The following ZRANB3 variants were observed in gnomAD, a reference collection of about 807,000 sequenced individuals.
ZRANB3 encodes DNA annealing helicase and endonuclease ZRANB3.
In ZRANB3, 125 loss-of-function variants were observed where a neutral mutation model predicts 133.8. The ratio of observed to expected loss-of-function variants is 0.93; its 90% confidence interval spans 0.81 to 1.08. ZRANB3 has a LOEUF of 1.08. Ranked by LOEUF, ZRANB3 falls within the 50% of genes least tolerant of loss-of-function variation. The probability of loss-of-function intolerance (pLI) is 0.00; values close to 1 mark genes in which losing one functional copy is unlikely to be tolerated. For synonymous variants in ZRANB3, 387 were observed against 432.7 expected (o/e 0.89, Z 1.31); for missense variants, 1,229 against 1,275.5 (o/e 0.96, Z 0.56).
chr2:135,510,986 G>A, intron 1 of ZRANB3: 3 of 787,618 alleles, frequency 3.8e-6, no homozygotes, highest in Non-Finnish European at 7.1e-6. Context: ...CAGCCTCACA[G>A]ATCGGTCTGG....
intron 2 of ZRANB3, among the ~76,000 whole-genome samples, chr2:135,495,310 T>C (rs892808921): frequency 6.6e-6 from 1 of 152,218 alleles, no homozygotes; most frequent in African/African-American, 2.4e-5. Flanking sequence ...TATAAGAGAA[T>C]GTCTTTATTT....
chr2:135,350,167 G>A lies in ZRANB3; in HGVS notation c.408C>T (p.Thr136=), dbSNP rs768725103. ...CATCTATCAAAGTCTTTGCATCTGC[G>A]GTTAAGAGACCATAACCCAGAACTG... ...KVTVLGYGLL[T]ADAKTLIDAL... The change falls in exon 5 of 21, where the codon ACC becomes ACT. Residue 136 remains threonine (T), a synonymous_variant. Coordinates refer to ENST00000264159, the MANE Select transcript of ZRANB3 (RefSeq NM_032143.4). 28 of 1,609,560 alleles carry A rather than the reference G, an allele frequency of 1.7e-5. No homozygotes were observed. Among genetic ancestry groups the A allele is most frequent in the South Asian group, 2.2e-5 (2 of 90,502 alleles).
In ZRANB3 at chr2:135,199,283, C is replaced by G. The variant is rs910272775; in HGVS notation, c.*1059G>C. On this transcript the variant is annotated 3_prime_UTR_variant, in exon 21 of 21. Coordinates refer to ENST00000264159, the MANE Select transcript of ZRANB3 (RefSeq NM_032143.4). ...AGACAAAGTGTATTTTGATAGTACG[C>G]TTAGTTTTTTTTTTTGTTTGTTTGT... 1.3e-5 allele frequency: 2 copies of G among 148,784 alleles called. No homozygotes were observed. Among genetic ancestry groups the G allele is most frequent in the African/African-American group, 2.5e-5 (1 of 40,410 alleles). The allele number at this position is 148,784 out of a possible 1,614,324, so 9.2% of individuals were successfully genotyped here.
At chr2:135,222,597 A>G (rs1238777266) in intron 15 of ZRANB3, among the ~76,000 whole-genome samples, 2 of 152,120 alleles carry the variant, frequency 1.3e-5, no homozygotes, top group Non-Finnish European at 2.9e-5. Flanking sequence ...CAGTGGCTAC[A>G]TGAAATGCTA....
At chr2:135,308,476 C>T (rs1329562250) in intron 8 of ZRANB3, among the ~76,000 whole-genome samples, 1 of 152,194 alleles carries the variant, frequency 6.6e-6, no homozygotes, top group Non-Finnish European at 1.5e-5. Flanking sequence ...TCCCAGCTAG[C>T]ACCTGCTAGA....
chr2:135,275,623 A>G lies in ZRANB3; in HGVS notation c.1086+13T>C, dbSNP rs756803426. On this transcript the variant is annotated intron_variant, in intron 9 of 20. Transcript: ENST00000264159. ...CATTCTAAAAAGTATTTAGTTAAAA[A>G]ATGGCAACATACCTTATTTTCGATG... 4.5e-6 allele frequency: 7 copies of G among 1,563,884 alleles called. No individual in the cohort carries two copies. The highest frequency in any genetic ancestry group is 6.1e-6 in the Non-Finnish European group (7 of 1,153,742).
At chr2:135,364,007 C>G (rs1685813981) in intron 3 of ZRANB3, among the ~76,000 whole-genome samples, 1 of 151,700 alleles carries the variant, frequency 6.6e-6, no homozygotes, top group Admixed American at 6.6e-5. Context: ...GGCCAGGACA[C>G]TGCACTTCAG....
chr2:135,277,657 G>T (rs979464304), intron 8 of ZRANB3, among the ~76,000 whole-genome samples: 1 of 152,158 alleles, frequency 6.6e-6, no homozygotes, highest in Non-Finnish European at 1.5e-5. Context: ...AGGTGCGGGG[G>T]CTCACGCCTG....
rs544709427 is a variant in ZRANB3 at position 135,454,846 on chromosome 2, C to T, written c.161+49483G>A. Among the ~76,000 whole-genome samples the T allele has an allele frequency of 3.3e-4, 51 of 152,258 alleles. 1 individual carries two copies. In the South Asian group the frequency reaches 0.01, roughly 31 times the overall value. Reference sequence around the variant, plus strand: ...CTTTATCCACTCATTGGCTGATGGGCACTTATGATACTTCTGTATCTTTGT... The same window carrying T: ...CTTTATCCACTCATTGGCTGATGGGTACTTATGATACTTCTGTATCTTTGT... On this transcript the variant is annotated intron_variant, in intron 2 of 20. Coordinates refer to ENST00000264159, the MANE Select transcript of ZRANB3 (RefSeq NM_032143.4).
At chr2:135,397,420 C>G (rs1244976343) in intron 2 of ZRANB3, among the ~76,000 whole-genome samples, 1 of 150,506 alleles carries the variant, frequency 6.6e-6, no homozygotes, top group African/African-American at 2.4e-5. Flanking sequence ...TGCACTTCAG[C>G]CTGGGCAAGA....
At chr2:135,461,072 A>G (rs1419384326) in intron 2 of ZRANB3, among the ~76,000 whole-genome samples, 1 of 152,234 alleles carries the variant, frequency 6.6e-6, no homozygotes, top group Non-Finnish European at 1.5e-5. Context: ...ATAAAGTTCT[A>G]TTGGATAGCA....
At chr2:135,234,344 CAG>C (rs1695188453) in intron 12 of ZRANB3, among the ~76,000 whole-genome samples, 1 of 152,040 alleles carries the variant, frequency 6.6e-6, no homozygotes, top group Admixed American at 6.6e-5. Context: ...CAATAATAAT[CAG>C]AGACTTTAAC....
At chr2:135,230,476 C>G (rs745961806) in intron 13 of ZRANB3, 37 bp downstream of exon 13, 297 of 1,449,794 alleles carry the variant, frequency 2.0e-4, no homozygotes, top group Non-Finnish European at 2.7e-4. Context: ...ACACCACTAA[C>G]AGCCCTTACC....
At position 135,202,884 on chromosome 2, in the gene ZRANB3, C is replaced by T. The variant is rs779108761; in HGVS notation, c.3089G>A (p.Gly1030Glu). ...CTGCAGGTTGTCCAGGGAACACTGT[C>T]CTCCTCCCCCATACACTGGCTTGAT... is the stretch of plus-strand genomic sequence containing the variant. ...DHIKPVYGGG[G>E]QCSLDNLQTL... The change falls in exon 20 of 21, where the codon GGA (glycine) becomes GAA (glutamate). Residue 1030 changes from glycine (G) to glutamate (E), a missense_variant. Transcript: ENST00000264159. 1 of 1,611,576 alleles carries T rather than the reference C, an allele frequency of 6.2e-7. No homozygotes were observed. Among genetic ancestry groups the T allele is most frequent in the Non-Finnish European group, 8.5e-7 (1 of 1,178,884 alleles).
At chr2:135,410,978 C>T (rs1473324082) in intron 2 of ZRANB3, among the ~76,000 whole-genome samples, 1 of 152,192 alleles carries the variant, frequency 6.6e-6, no homozygotes. Flanking sequence ...GTGGCTCATG[C>T]CTGTAATCCC....
intron 1 of ZRANB3, among the ~76,000 whole-genome samples, chr2:135,505,567 C>G (rs1455979370): frequency 1.3e-5 from 2 of 151,108 alleles, no homozygotes; most frequent in Non-Finnish European, 2.9e-5. Flanking sequence ...GAGTGAGACT[C>G]TGTCTCAAGG....
At chr2:135,389,585 G>T (rs1182300330) in intron 3 of ZRANB3, among the ~76,000 whole-genome samples, 2 of 151,810 alleles carry the variant, frequency 1.3e-5, no homozygotes, top group Non-Finnish European at 2.9e-5. Context: ...CGCGCCTGTA[G>T]TCCCACCTAC....
At chr2:135,321,844 T>A (rs1028860953) in intron 6 of ZRANB3, among the ~76,000 whole-genome samples, 1 of 152,172 alleles carries the variant, frequency 6.6e-6, no homozygotes, top group Non-Finnish European at 1.5e-5. Flanking sequence ...TATTCCTTTA[T>A]CAAATATGTA....
chr2:135,493,868 C>T (rs1223428015), intron 2 of ZRANB3, among the ~76,000 whole-genome samples: 2 of 152,094 alleles, frequency 1.3e-5, no homozygotes, highest in African/African-American at 2.4e-5. Context: ...AGAGCCAACC[C>T]AAATGTCCAT....
Sources: allele counts gnomAD v4.1 joint callset (sites outside exome capture counted in the v4.1 genomes callset), GRCh38; gene constraint gnomAD v4.1.1; transcripts MANE v1.5; gene names NCBI Gene and HGNC (gene_info 2026-07-23, HGNC 2026-07-21).